SNTG1: variants seen among roughly 807,000 people sequenced by gnomAD.
SNTG1 encodes the protein syntrophin gamma 1.
Under a neutral mutation model 74.7 loss-of-function variants are expected in SNTG1, and 39 were observed. The ratio of observed to expected loss-of-function variants is 0.52; its 90% CI spans 0.40 to 0.68. The LOEUF is 0.68. Ranked by LOEUF, SNTG1 falls within the 30% of genes least tolerant of loss-of-function variation. SNTG1 has a pLI of 0.00. For missense variants in SNTG1, 685 were observed against 609.5 expected (o/e 1.12, Z -1.30); for synonymous variants, 254 against 217.1 (o/e 1.17, Z -1.49).
chr8:50,426,664 T>C (rs1015418228), intron 4 of SNTG1, among the ~76,000 whole-genome samples: 1 of 151,968 alleles, frequency 6.6e-6, no homozygotes, highest in Non-Finnish European at 1.5e-5. Context: ...TATTTTAAAA[T>C]AAATTTAGTA....
rs191982179 is a variant in SNTG1, at chr8:50,284,397, T to C, written c.-27-109815T>C. 3.2e-3 allele frequency among the ~76,000 whole-genome samples: 480 copies of C among 152,256 alleles called. 3 individuals are homozygous for C. The highest frequency in any genetic ancestry group is 0.011 in the African/African-American group (460 of 41,558). ...ATCTCAAGCAGACATACCCTGAACA[T>C]GCCCCATCATTGTTGAGGCTCATGA... On this transcript the variant is annotated intron_variant, in intron 2 of 18. Coordinates refer to ENST00000642720, the MANE Select transcript of SNTG1 (RefSeq NM_018967.5).
intron 13 of SNTG1, among the ~76,000 whole-genome samples, chr8:50,608,103 A>G (rs143811011): frequency 0.013 from 2,025 of 151,774 alleles, 49 homozygotes; most frequent in African/African-American, 0.045. Flanking sequence ...TTTCAATTTT[A>G]CTGGCATCCA....
At chr8:50,350,531 C>T (rs2130997021) in intron 2 of SNTG1, among the ~76,000 whole-genome samples, 2 of 151,588 alleles carry the variant, frequency 1.3e-5, no homozygotes, top group Middle Eastern at 6.8e-3. Context: ...CCAATCCACA[C>T]TCTATATCTA....
At chr8:50,274,179 C>G (rs958931717) in intron 2 of SNTG1, among the ~76,000 whole-genome samples, 3 of 151,976 alleles carry the variant, frequency 2.0e-5, no homozygotes, top group Non-Finnish European at 2.9e-5. Flanking sequence ...CCTCGCCTCC[C>G]AGGTTCAAGC....
chr8:50,425,288 C>T (rs1323732251), intron 4 of SNTG1, among the ~76,000 whole-genome samples: 3 of 96,968 alleles, frequency 3.1e-5, no homozygotes, highest in South Asian at 3.3e-4. Context: ...AGGAGGTGAG[C>T]GGCAGGTGAT....
chr8:50,336,495 G>C (rs1437666422), intron 2 of SNTG1, among the ~76,000 whole-genome samples: 7 of 152,076 alleles, frequency 4.6e-5, no homozygotes, highest in African/African-American at 1.7e-4. Flanking sequence ...TAAACCAGAG[G>C]TGGTCTTTTT....
intron 2 of SNTG1, among the ~76,000 whole-genome samples, chr8:50,236,541 C>T (rs925025390): frequency 2.1e-4 from 32 of 151,480 alleles, no homozygotes; most frequent in Non-Finnish European, 3.5e-4. Context: ...AGCTCCACCT[C>T]CTGGGTTCAC....
chr8:50,273,307 G>A (rs571272596), intron 2 of SNTG1, among the ~76,000 whole-genome samples: 1 of 152,200 alleles, frequency 6.6e-6, no homozygotes, highest in South Asian at 2.1e-4. Context: ...AAAATGTTTT[G>A]AAAAACACAA....
intron 11 of SNTG1, among the ~76,000 whole-genome samples, chr8:50,544,258 A>G (rs1338107334): frequency 6.6e-6 from 1 of 152,066 alleles, no homozygotes; most frequent in Admixed American, 6.6e-5. Flanking sequence ...ATTTATATCA[A>G]TTTCAGAAAA....
intron 17 of SNTG1, among the ~76,000 whole-genome samples, chr8:50,740,278 A>G (rs1003659677): frequency 6.6e-6 from 1 of 152,002 alleles, no homozygotes; most frequent in African/African-American, 2.4e-5. Flanking sequence ...TTTACAAGAA[A>G]AAAAAAACAG....
chr8:50,394,405 C>G (rs1249748182), intron 3 of SNTG1, 140 bp downstream of exon 3: 1 of 744,522 alleles, frequency 1.3e-6, no homozygotes, highest in South Asian at 2.0e-5. Flanking sequence ...TTCCAGATTA[C>G]GTTCTCCTTC....
rs71235311 is a variant in SNTG1 at position 50,601,152 on chromosome 8, C to CAAAAAAAAAAAAAAAA, written c.849+10252_849+10267dup. Among the ~76,000 whole-genome samples the CAAAAAAAAAAAAAAAA allele has an allele frequency of 1.2e-3, 38 of 31,442 alleles. 6 individuals carry two copies. Among genetic ancestry groups the CAAAAAAAAAAAAAAAA allele is most frequent in the African/African-American group, 7.3e-3 (37 of 5,084 alleles). The allele number at this position is 31,442 out of a possible 152,430, so 20.6% of individuals were successfully genotyped here. A position where few individuals can be genotyped will look rare whatever the true frequency, so the allele number is the denominator to read the frequency against. On this transcript the variant is annotated intron_variant, in intron 13 of 18. Coordinates refer to ENST00000642720, the MANE Select transcript of SNTG1 (RefSeq NM_018967.5). ...CAGCCTGGTGACAGAGCCAGCGAGACAAAAAAAAAAAAAAAAAAAAAAAAA... is the reference window on the plus strand; with the variant it reads ...CAGCCTGGTGACAGAGCCAGCGAGACAAAAAAAAAAAAAAAAAAAAAAAAAAAAAAAAAAAAAAAAA...
At chr8:50,050,262 G>C (rs1168714130) in intron 1 of SNTG1, among the ~76,000 whole-genome samples, 5 of 151,810 alleles carry the variant, frequency 3.3e-5, no homozygotes, top group Non-Finnish European at 7.4e-5. Flanking sequence ...AAATGAAAGA[G>C]AGGCCATCAT....
At chr8:49,910,462 CAT>C (rs2129331657), upstream of SNTG1, among the ~76,000 whole-genome samples, 1 of 152,338 alleles carries the variant, frequency 6.6e-6, no homozygotes, top group South Asian at 2.1e-4. Context: ...TTTTACTCCA[CAT>C]AGTTTCAAAG....
At chr8:50,533,183 T>C (rs923552881) in intron 10 of SNTG1, among the ~76,000 whole-genome samples, 1 of 152,180 alleles carries the variant, frequency 6.6e-6, no homozygotes, top group African/African-American at 2.4e-5. Flanking sequence ...AGAGATGGAG[T>C]AGAAGAATTT....
rs530085495 is a variant in SNTG1, at chr8:50,095,280, C to G, written c.-102-77281C>G. On this transcript the variant is annotated intron_variant, in intron 1 of 18. Coordinates refer to ENST00000642720, the MANE Select transcript of SNTG1 (RefSeq NM_018967.5). Reference sequence around the variant, plus strand: ...ATGCATAATTTACCCACATAACAAACCTGCACACATACCCCCAAACCTACA... The same window carrying G: ...ATGCATAATTTACCCACATAACAAAGCTGCACACATACCCCCAAACCTACA... Among the ~76,000 whole-genome samples the G allele has an allele frequency of 3.9e-4, 59 of 152,154 alleles. No homozygotes were observed. The Middle Eastern group carries it at 0.01, about 26-fold the overall frequency.
intron 1 of SNTG1, among the ~76,000 whole-genome samples, chr8:50,043,833 T>C (rs1818848774): frequency 6.6e-6 from 1 of 152,116 alleles, no homozygotes; most frequent in East Asian, 1.9e-4. Context: ...AAAACAGCAA[T>C]GTAGGCTGAG....
At chr8:49,917,741 T>A (rs1282066607) in intron 1 of SNTG1, among the ~76,000 whole-genome samples, 1 of 152,180 alleles carries the variant, frequency 6.6e-6, no homozygotes, top group Non-Finnish European at 1.5e-5. Context: ...CTTTTCTGTT[T>A]TCTTATTCAA....
intron 2 of SNTG1, among the ~76,000 whole-genome samples, chr8:50,265,684 T>C (rs2087427527): frequency 6.6e-6 from 1 of 152,072 alleles, no homozygotes; most frequent in Non-Finnish European, 1.5e-5. Flanking sequence ...AAAGCTATTT[T>C]TATTTTCAGA....
Sources: gnomAD v4.1 joint callset for allele counts (sites outside exome capture counted in the v4.1 genomes callset) on GRCh38, gnomAD v4.1.1 for gene constraint, MANE v1.5 for transcripts, NCBI Gene and HGNC (gene_info 2026-07-23, HGNC 2026-07-21) for gene names.